The following RASSF2 variants were observed in gnomAD, a reference collection of about 807,000 sequenced individuals.
The protein encoded by RASSF2 is Ras association domain family member 2.
In RASSF2, 34 loss-of-function variants were observed where a neutral mutation model predicts 46.3. The ratio of observed to expected loss-of-function variants is 0.73; its 90% CI spans 0.56 to 0.98. The LOEUF is 0.98. RASSF2 is among the 50% of genes least tolerant of loss of function. The pLI is 0.00. For missense variants in RASSF2, 364 were observed against 431.2 expected (o/e 0.84, Z 1.38); for synonymous variants, 158 against 162.5 (o/e 0.97, Z 0.21).
At chr20:4,805,790 T>C (rs2122597307) in intron 2 of RASSF2, among the ~76,000 whole-genome samples, 1 of 151,966 alleles carries the variant, frequency 6.6e-6, no homozygotes, top group Middle Eastern at 3.4e-3. Flanking sequence ...AGCACACCCT[T>C]TGGGGAAAGG....
At position 4,788,826 on chromosome 20, in the gene RASSF2, C is replaced by T. The variant is rs560107921; in HGVS notation, c.640-558G>A. On this transcript the variant is annotated intron_variant, in intron 8 of 11. Coordinates refer to ENST00000379400, the MANE Select transcript of RASSF2 (RefSeq NM_014737.3). Reference sequence around the variant, plus strand: ...GATAGATAACAGCTATCGTCTATTGCAATGTGCCAGGCATAGTTCTACAAA... The same window carrying T: ...GATAGATAACAGCTATCGTCTATTGTAATGTGCCAGGCATAGTTCTACAAA... Among the ~76,000 whole-genome samples, 4 of 152,340 alleles carry T rather than the reference C, an allele frequency of 2.6e-5. No homozygotes were observed. In the East Asian group the frequency reaches 7.7e-4, roughly 29 times the overall value.
rs10659167 is a variant in RASSF2 at position 4,804,353 on chromosome 20, CTTTTTTTTTT to C, written c.-32-3301_-32-3292del. Among the ~76,000 whole-genome samples, 43 of 118,726 alleles carry C rather than the reference CTTTTTTTTTT, an allele frequency of 3.6e-4. 1 individual carries two copies. The highest frequency in any genetic ancestry group is 2.1e-3 in the South Asian group (8 of 3,752). The allele number at this position is 118,726 out of a possible 152,430, so 77.9% of individuals were successfully genotyped here. ...AAAGTCGAGCTAGTGAGAAAGCTTT[CTTTTTTTTTT>C]TTTTTTTTTTGTCACCCAGGCTGGA... On this transcript the variant is annotated intron_variant, in intron 2 of 11. Transcript: ENST00000379400.
chr20:4,797,953 A>G (rs1386485305), intron 4 of RASSF2, 57 bp downstream of exon 4: 7 of 1,608,562 alleles, frequency 4.4e-6, no homozygotes, highest in African/African-American at 1.3e-5. Context: ...CAGACCCAGG[A>G]CACATGGTGA....
chr20:4,787,755 C>G lies in RASSF2; in HGVS notation c.692-1G>C, dbSNP rs1925491419. 2 of 1,614,172 alleles carry G rather than the reference C, an allele frequency of 1.2e-6. No homozygotes were observed. Among genetic ancestry groups the G allele is most frequent in the Non-Finnish European group, 1.7e-6 (2 of 1,180,040 alleles). On this transcript the variant is annotated splice_acceptor_variant, in intron 9 of 11. Transcript: ENST00000379400. LOFTEE classifies it high-confidence loss of function. ...TCGGTGGCCTTCAGCTTCTGTTTCT[C>G]TGCAACCACACACACCCAGGAGCAG... is the stretch of plus-strand genomic sequence containing the variant.
chr20:4,784,592 C>CAA (rs71197728), intron 11 of RASSF2, among the ~76,000 whole-genome samples: 74 of 89,842 alleles, frequency 8.2e-4, no homozygotes, highest in Non-Finnish European at 1.3e-3. Context: ...AACATCTAGC[C>CAA]AAAAAAAAAA....
intron 9 of RASSF2, among the ~76,000 whole-genome samples, 162 bp from the exon 10 acceptor site, chr20:4,787,916 C>T (rs1480143006): frequency 6.6e-6 from 1 of 152,096 alleles, no homozygotes; most frequent in African/African-American, 2.4e-5. Flanking sequence ...GCAACTTCCT[C>T]CCACTCCTCA....
intron 2 of RASSF2, among the ~76,000 whole-genome samples, chr20:4,802,914 ATTT>A (rs60825053): frequency 6.3e-5 from 6 of 95,580 alleles, no homozygotes; most frequent in South Asian, 4.0e-4. Flanking sequence ...ATATATATAT[ATTT>A]TTTTTTTTTG....
At chr20:4,802,378 G>C (rs1270677949) in intron 2 of RASSF2, among the ~76,000 whole-genome samples, 3 of 152,090 alleles carry the variant, frequency 2.0e-5, no homozygotes, top group Non-Finnish European at 4.4e-5. Context: ...GTGTCCCCAG[G>C]GGCAAAATCA....
intron 2 of RASSF2, among the ~76,000 whole-genome samples, chr20:4,804,789 C>T (rs1927206274): frequency 6.6e-6 from 1 of 152,072 alleles, no homozygotes; most frequent in African/African-American, 2.4e-5. Context: ...ACGATGGTGG[C>T]TCAGCAGTCA....
intron 2 of RASSF2, among the ~76,000 whole-genome samples, chr20:4,807,159 T>G (rs1304682911): frequency 2.0e-5 from 3 of 152,186 alleles, no homozygotes; most frequent in Non-Finnish European, 1.5e-5. Context: ...CTTAATTTTT[T>G]AAAATATCAC....
At chr20:4,786,394 T>C in intron 10 of RASSF2, 66 bp from the exon 11 acceptor site, 1 of 1,330,640 alleles carries the variant, frequency 7.5e-7, no homozygotes, top group Non-Finnish European at 1.1e-6. Context: ...CTTTCAGGGT[T>C]GTCCTTATAC....
rs1005696267 is a variant in RASSF2 at position 4,782,117 on chromosome 20, A to G, written c.*2156T>C. On this transcript the variant is annotated 3_prime_UTR_variant, in exon 12 of 12. Transcript: ENST00000379400. ...GTCTGCCTTAGTATCGCTCCCTTGGAAAGTGATCTGGCCAACTGGACATGT... is the reference window on the plus strand; with the variant it reads ...GTCTGCCTTAGTATCGCTCCCTTGGGAAGTGATCTGGCCAACTGGACATGT... The G allele has an allele frequency of 1.1e-4, 17 of 152,214 alleles. No homozygotes were observed. Among genetic ancestry groups the G allele is most frequent in the African/African-American group, 4.1e-4 (17 of 41,452 alleles). The allele number at this position is 152,214 out of a possible 1,614,324, so 9.4% of individuals were successfully genotyped here. A position where few individuals can be genotyped will look rare whatever the true frequency, so the allele number is the denominator to read the frequency against.
Position 4,790,431 on chromosome 20 carries a change from C to A in RASSF2, c.537+20G>T. On this transcript the variant is annotated intron_variant, in intron 7 of 11. Transcript: ENST00000379400. The surrounding 1 kb of genome is among the most constrained non-coding windows in gnomAD (Gnocchi z 4.3). ...CCAGGAAGAGGTCTTCCACCCTCCC[C>A]GTCCCCCTGTCCACCTTACCTTATG... The A allele has an allele frequency of 6.9e-7, 1 of 1,439,492 alleles. No homozygotes were observed. The highest frequency in any genetic ancestry group is 1.6e-5 in the South Asian group (1 of 62,858). 89.2% of individuals were successfully genotyped at this position (1,439,492 alleles called of 1,614,324 possible). A position where few individuals can be genotyped will look rare whatever the true frequency, so the allele number is the denominator to read the frequency against.
At chr20:4,788,985 C>T (rs1264084119) in intron 8 of RASSF2, among the ~76,000 whole-genome samples, 1 of 152,114 alleles carries the variant, frequency 6.6e-6, no homozygotes, top group Non-Finnish European at 1.5e-5. Context: ...AGCAGGTGCT[C>T]AGTGGAGATT....
At chr20:4,810,852 A>G (rs1390171642) in intron 2 of RASSF2, among the ~76,000 whole-genome samples, 1 of 152,084 alleles carries the variant, frequency 6.6e-6, no homozygotes. Flanking sequence ...AGGGCTTTCC[A>G]TGGAGAATTC....
intron 4 of RASSF2, among the ~76,000 whole-genome samples, chr20:4,796,295 G>A (rs889778428): frequency 6.6e-6 from 1 of 152,214 alleles, no homozygotes; most frequent in Non-Finnish European, 1.5e-5. Flanking sequence ...AAATAAGTGA[G>A]ATTAGCCTTG....
chr20:4,806,481 G>T (rs1927351447), intron 2 of RASSF2, among the ~76,000 whole-genome samples: 1 of 152,250 alleles, frequency 6.6e-6, no homozygotes, highest in African/African-American at 2.4e-5. Context: ...GTCTGGTTCT[G>T]TCACCCAGGC....
chr20:4,802,843 A>T (rs1926990149), intron 2 of RASSF2, among the ~76,000 whole-genome samples: 1 of 150,186 alleles, frequency 6.7e-6, no homozygotes, highest in Admixed American at 6.7e-5. Context: ...TTTTATGTGT[A>T]TTTTACCACT....
In RASSF2 at chr20:4,812,660, G is replaced by A. The variant is rs545657652; in HGVS notation, c.-33+9669C>T. 3.0e-4 allele frequency among the ~76,000 whole-genome samples: 46 copies of A among 152,308 alleles called. No individual in the cohort carries two copies. The highest frequency in any genetic ancestry group is 1.1e-3 in the African/African-American group (44 of 41,562). Reference sequence around the variant, plus strand: ...CTGAGAAGGTGCAGTTCTAATAAGCGCCCAGGGCTGCTGCTGATGCTGCTG... The same window carrying A: ...CTGAGAAGGTGCAGTTCTAATAAGCACCCAGGGCTGCTGCTGATGCTGCTG... On this transcript the variant is annotated intron_variant, in intron 2 of 11. Transcript: ENST00000379400. This position sits in a 1 kb window ranked among gnomAD's most constrained non-coding sequence, Gnocchi z 4.0.
Sources: allele counts gnomAD v4.1 joint callset (sites outside exome capture counted in the v4.1 genomes callset), GRCh38; gene constraint gnomAD v4.1.1; non-coding constraint Gnocchi (gnomAD v3.1); transcripts MANE v1.5; gene names NCBI Gene and HGNC (gene_info 2026-07-23, HGNC 2026-07-21).